The following CDH8 variants were observed in gnomAD, a reference collection of about 807,000 sequenced individuals.
CDH8 encodes cadherin-8.
CDH8 carries 17 observed loss-of-function variants against 68.1 expected under a neutral mutation model. The observed-to-expected ratio is 0.25, with a 90% CI of 0.17 to 0.37. The LOEUF (loss-of-function observed/expected upper bound fraction) is 0.37, where lower values mean the gene tolerates loss of function less well. Among genes scored for constraint, CDH8 ranks in the 10% least tolerant of loss-of-function variants. CDH8 has a pLI of 1.00. For synonymous variants in CDH8, 372 were observed against 365.1 expected, an observed-to-expected ratio of 1.02 and a Z score of -0.21; for missense variants, 763 against 999.3, an observed-to-expected ratio of 0.76 and a Z score of 3.19.
chr16:61,727,048 A>T lies in CDH8; in HGVS notation c.1536+46T>A, dbSNP rs201384725. 98 of 1,596,316 alleles carry T rather than the reference A, an allele frequency of 6.1e-5. No individual in the cohort carries two copies. In the African/African-American group the frequency reaches 1.0e-3, roughly 17 times the overall value. On this transcript the variant is annotated intron_variant, in intron 9 of 11. Coordinates refer to ENST00000577390, the MANE Select transcript of CDH8 (RefSeq NM_001796.5). ...AATGCAGGTTAGTCAAATATGAGAC[A>T]GTTGTATACAAACATATTCAGCATT...
chr16:62,011,146 C>T (rs1375644132), intron 2 of CDH8, among the ~76,000 whole-genome samples: 1 of 152,144 alleles, frequency 6.6e-6, no homozygotes, highest in East Asian at 1.9e-4. Context: ...ATTCCTCAGC[C>T]CTTCTGATCA....
At chr16:61,771,866 T>C (rs1485376450) in intron 8 of CDH8, among the ~76,000 whole-genome samples, 2 of 151,920 alleles carry the variant, frequency 1.3e-5, no homozygotes, top group Non-Finnish European at 2.9e-5. Flanking sequence ...TAGACTGAAA[T>C]TCATATCTAT....
chr16:61,664,536 G>A (rs748284568), intron 10 of CDH8, among the ~76,000 whole-genome samples: 2 of 151,960 alleles, frequency 1.3e-5, no homozygotes, highest in Non-Finnish European at 2.9e-5. Context: ...AAATCAGAGA[G>A]AGGGAGAGTT....
At chr16:61,804,260 T>C (rs1169313891) in intron 7 of CDH8, among the ~76,000 whole-genome samples, 1 of 151,896 alleles carries the variant, frequency 6.6e-6, no homozygotes, top group Non-Finnish European at 1.5e-5. Flanking sequence ...AAGATGTTCT[T>C]TAAAACCAAC....
intron 2 of CDH8, among the ~76,000 whole-genome samples, chr16:61,905,071 A>C (rs1435212514): frequency 6.6e-6 from 1 of 152,252 alleles, no homozygotes; most frequent in Non-Finnish European, 1.5e-5. Flanking sequence ...TCCAGTCTGT[A>C]GAAAAATTGT....
intron 1 of CDH8, among the ~76,000 whole-genome samples, chr16:62,026,178 C>T (rs910899976): frequency 4.6e-5 from 7 of 152,182 alleles, no homozygotes; most frequent in Admixed American, 4.6e-4. Flanking sequence ...CATTAACCAG[C>T]TCTGAAAATT....
At chr16:61,834,550 T>C (rs892231449) in intron 4 of CDH8, among the ~76,000 whole-genome samples, 1 of 151,948 alleles carries the variant, frequency 6.6e-6, no homozygotes, top group Non-Finnish European at 1.5e-5. Flanking sequence ...TAGGGCAGTG[T>C]TCTAATATTT....
intron 3 of CDH8, among the ~76,000 whole-genome samples, chr16:61,864,269 G>A (rs549258433): frequency 1.3e-5 from 2 of 148,880 alleles, no homozygotes; most frequent in East Asian, 2.0e-4. Flanking sequence ...TGTGTTGGTT[G>A]GTTGGTTGGT....
intron 7 of CDH8, among the ~76,000 whole-genome samples, chr16:61,817,276 T>G (rs1312692111): frequency 6.6e-6 from 1 of 151,822 alleles, no homozygotes; most frequent in African/African-American, 2.4e-5. Flanking sequence ...CTGGGCTCTA[T>G]GTAGCACTTA....
chr16:61,781,510 G>C (rs1418141570), intron 8 of CDH8, among the ~76,000 whole-genome samples: 2 of 152,154 alleles, frequency 1.3e-5, no homozygotes, highest in African/African-American at 4.8e-5. Flanking sequence ...AGGCCCAGAT[G>C]CTAGGGAGTC....
At chr16:62,014,425 C>T (rs1378806992) in intron 2 of CDH8, among the ~76,000 whole-genome samples, 1 of 152,008 alleles carries the variant, frequency 6.6e-6, no homozygotes, top group Non-Finnish European at 1.5e-5. Flanking sequence ...TATTGGTGCA[C>T]AAGGCTCTGT....
intron 7 of CDH8, among the ~76,000 whole-genome samples, chr16:61,807,631 G>C (rs570813713): frequency 2.0e-4 from 31 of 152,274 alleles, no homozygotes; most frequent in Middle Eastern, 3.4e-3. Context: ...AGAGATGTGA[G>C]GGGCGTGGTC....
intron 2 of CDH8, among the ~76,000 whole-genome samples, chr16:61,964,445 T>C (rs958101490): frequency 3.9e-5 from 6 of 152,070 alleles, no homozygotes; most frequent in African/African-American, 1.2e-4. Context: ...AATCATATCG[T>C]TGGGATGGGA....
intron 8 of CDH8, among the ~76,000 whole-genome samples, chr16:61,740,266 T>C (rs1959831893): frequency 6.6e-6 from 1 of 152,000 alleles, no homozygotes; most frequent in Non-Finnish European, 1.5e-5. Context: ...AAACTAATAA[T>C]GTCAAAAGAA....
At chr16:61,926,963 G>C (rs536307866) in intron 2 of CDH8, among the ~76,000 whole-genome samples, 21 of 152,196 alleles carry the variant, frequency 1.4e-4, no homozygotes, top group Non-Finnish European at 2.8e-4. Flanking sequence ...AGACACATTA[G>C]AAGGCATTGC....
At chr16:61,752,534 T>A (rs1315548380) in intron 8 of CDH8, among the ~76,000 whole-genome samples, 2 of 152,142 alleles carry the variant, frequency 1.3e-5, no homozygotes, top group Non-Finnish European at 2.9e-5. Flanking sequence ...GTAGGATATT[T>A]TATTTTCTTT....
intron 10 of CDH8, among the ~76,000 whole-genome samples, chr16:61,666,317 G>T (rs934562824): frequency 6.6e-6 from 1 of 151,848 alleles, no homozygotes; most frequent in Admixed American, 6.6e-5. Context: ...TATTCTCTTT[G>T]TATGTTTAAT....
intron 7 of CDH8, among the ~76,000 whole-genome samples, chr16:61,812,947 T>C (rs113390513): frequency 9.8e-5 from 15 of 152,328 alleles, no homozygotes; most frequent in African/African-American, 3.6e-4. Context: ...GTGTCATTTG[T>C]AAGAATTACG....
chr16:61,926,005 A>G (rs1964450467), intron 2 of CDH8, among the ~76,000 whole-genome samples: 1 of 152,188 alleles, frequency 6.6e-6, no homozygotes, highest in Non-Finnish European at 1.5e-5. Context: ...ACATTACTTC[A>G]TCCTTACTAT....
Sources: allele counts gnomAD v4.1 joint callset (sites outside exome capture counted in the v4.1 genomes callset), GRCh38; gene constraint gnomAD v4.1.1; transcripts MANE v1.5; gene names NCBI Gene and HGNC (gene_info 2026-07-23, HGNC 2026-07-21).